NXF1: variants seen among roughly 807,000 people sequenced by gnomAD.
NXF1 encodes the protein mRNA export factor TAP.
A neutral mutation model predicts 92.4 loss-of-function variants in NXF1; 43 were observed. The observed-to-expected ratio is 0.47, with a 90% confidence interval of 0.36 to 0.60. NXF1 has a LOEUF of 0.60. Ranked by LOEUF, NXF1 falls within the 20% of genes least tolerant of loss-of-function variation. NXF1 has a pLI of 0.00. For missense variants in NXF1, 576 were observed against 793.0 expected, an observed-to-expected ratio of 0.73 and a Z score of 3.29; for synonymous variants, 288 against 292.2, an observed-to-expected ratio of 0.99 and a Z score of 0.15.
chr11:62,797,124 G>A, intron 13 of NXF1, 59 bp downstream of exon 13: 1 of 1,436,012 alleles, frequency 7.0e-7, no homozygotes, highest in Admixed American at 1.7e-5. Flanking sequence ...GTGTGCCTGG[G>A]TCTGCCCACC....
intron 19 of NXF1, among the ~76,000 whole-genome samples, chr11:62,793,926 G>A (rs748175873): frequency 2.1e-4 from 32 of 150,408 alleles, no homozygotes; most frequent in Non-Finnish European, 4.1e-4. Flanking sequence ...GCTTGAACCC[G>A]GGAGGCAGAG....
chr11:62,804,025 G>T (rs748168123), intron 1 of NXF1, 47 bp from the exon 2 acceptor site: 2 of 1,602,250 alleles, frequency 1.2e-6, no homozygotes, highest in African/African-American at 1.3e-5. Context: ...TAACTGGTCC[G>T]GTTTGGTGTG....
Position 62,800,740 on chromosome 11 carries a change from C to T in NXF1, c.907-254G>A, listed in dbSNP as rs555182323. On this transcript the variant is annotated intron_variant, in intron 9 of 20. Transcript: ENST00000294172. ...ACCTCAGACTCCTGGGTAGCTAGGA[C>T]TACAGGCATGTGACATCATGCTCGA... Among the ~76,000 whole-genome samples the T allele has an allele frequency of 3.6e-4, 54 of 151,778 alleles. 1 individual carries two copies. The highest frequency in any genetic ancestry group is 9.2e-4 in the Admixed American group (14 of 15,226).
chr11:62,794,671 A>G, intron 18 of NXF1: 1 of 587,212 alleles, frequency 1.7e-6, no homozygotes, highest in Non-Finnish European at 3.0e-6. Context: ...TCATCCTCAC[A>G]ACAAACTTAG....
rs2134770298 is a variant in NXF1 at position 62,799,021 on chromosome 11, TG to T, written c.1017-447del. ...ACACCACAGGGATGGCACAGGATGT[TG>T]GGGCAGGGAGATGAGCAGGTGGGGC... On this transcript the variant is annotated intron_variant, in intron 10 of 20. Transcript: ENST00000294172. 3.0e-6 allele frequency: 3 copies of T among 999,550 alleles called. No homozygotes were observed. The South Asian group carries it at 1.3e-4, about 45-fold the overall frequency. 61.9% of individuals were successfully genotyped at this position (999,550 alleles called of 1,614,324 possible).
In NXF1 at chr11:62,792,455, G is replaced by A. The variant is rs112043892; in HGVS notation, c.*21C>T. ...CCAAGGACTATTTACAGGGGGGACT[G>A]CTTCTGAGGCATGACTACGATCACT... On this transcript the variant is annotated 3_prime_UTR_variant, in exon 21 of 21. Coordinates refer to ENST00000294172, the MANE Select transcript of NXF1 (RefSeq NM_006362.5). 8 of 1,614,018 alleles carry A rather than the reference G, an allele frequency of 5.0e-6. No individual in the cohort carries two copies. The highest frequency in any genetic ancestry group is 4.0e-5 in the African/African-American group (3 of 75,046).
intron 9 of NXF1, 115 bp from the exon 10 acceptor site, chr11:62,800,601 TTTTC>T (rs1285412730): frequency 1.2e-5 from 8 of 667,516 alleles, no homozygotes; most frequent in African/African-American, 3.7e-5. Context: ...TTTTAAAATT[TTTTC>T]TTTTTTTTTT....
At position 62,795,429 on chromosome 11, in the gene NXF1, T is replaced by G. The variant is rs899951758; in HGVS notation, c.1505-422A>C. 7.3e-5 allele frequency: 15 copies of G among 205,432 alleles called. No homozygotes were observed. In the East Asian group the frequency reaches 1.3e-3, roughly 18 times the overall value. The allele number at this position is 205,432 out of a possible 1,614,324, so 12.7% of individuals were successfully genotyped here. A position where few individuals can be genotyped will look rare whatever the true frequency, so the allele number is the denominator to read the frequency against. ...AGACGGAGGTTGCAGTGAGCCAAGA[T>G]TGCGCCACTGCACTCCAGCCTGGTG... On this transcript the variant is annotated intron_variant, in intron 17 of 20. Coordinates refer to ENST00000294172, the MANE Select transcript of NXF1 (RefSeq NM_006362.5).
Position 62,803,960 on chromosome 11 carries a change from A to C in NXF1, c.47T>G (p.Val16Gly). 6.2e-7 allele frequency: 1 copy of C among 1,613,896 alleles called. No individual in the cohort carries two copies. The highest frequency in any genetic ancestry group is 1.3e-5 in the African/African-American group (1 of 75,006). The change falls in exon 2 of 21, where the codon GTT becomes GGT. Residue 16 changes from valine to glycine, a missense_variant. Coordinates refer to ENST00000294172, the MANE Select transcript of NXF1 (RefSeq NM_006362.5). Reference protein sequence around the residue: ...KSYSEHDDERVNFPQRKKKGR... With the variant: ...KSYSEHDDERGNFPQRKKKGR... Reference sequence around the variant, plus strand: ...TTTCTTCTTTCTTTGAGGGAAATTAACGCGTTCATCATCGTGTTCTAGAGT... The same window carrying C: ...TTTCTTCTTTCTTTGAGGGAAATTACCGCGTTCATCATCGTGTTCTAGAGT...
intron 17 of NXF1, 106 bp from the exon 18 acceptor site, chr11:62,795,113 A>C: frequency 9.2e-7 from 1 of 1,091,752 alleles, no homozygotes; most frequent in Non-Finnish European, 1.4e-6. Context: ...CAAGTCAGAG[A>C]GGAATGATTA....
In NXF1 at chr11:62,803,569, G is replaced by C; in HGVS notation, c.219C>G (p.Asn73Lys). 6.2e-7 allele frequency: 1 copy of C among 1,614,050 alleles called. No individual in the cohort carries two copies. The highest frequency in any genetic ancestry group is 2.2e-5 in the East Asian group (1 of 44,880). The change falls in exon 3 of 21, where the codon AAC (asparagine) becomes AAG (lysine). Residue 73 changes from asparagine to lysine, a missense_variant. This residue lies in a region of NXF1 where 151 missense variants were observed against 157.8 expected (regional missense o/e 0.96). Transcript: ENST00000294172. ...GACGGTTAGGTCGGGTGGTATAGGG[G>C]TTGCTGTGGGTAAGCAGAGAATAAA... Reference protein sequence around the residue: ...DAQDGPRVRYNPYTTRPNRRG... With the variant: ...DAQDGPRVRYKPYTTRPNRRG...
At chr11:62,798,769 C>T in intron 10 of NXF1, 194 bp from the exon 11 acceptor site, 1 of 1,395,756 alleles carries the variant, frequency 7.2e-7, no homozygotes, top group Non-Finnish European at 9.3e-7. Flanking sequence ...CATGGACTGC[C>T]TTGAAGGCTG....
chr11:62,802,364 T>A, intron 3 of NXF1, 104 bp from the exon 4 acceptor site: 1 of 875,554 alleles, frequency 1.1e-6, no homozygotes, highest in East Asian at 2.6e-5. Context: ...AAAGACTATC[T>A]AAAGAAAGGA....
chr11:62,803,669 A>T, intron 2 of NXF1, 97 bp from the exon 3 acceptor site: 1 of 1,551,480 alleles, frequency 6.4e-7, no homozygotes, highest in Non-Finnish European at 8.8e-7. Context: ...AAGACTGTTT[A>T]ATCACTAAGC....
In NXF1 at chr11:62,805,396, C is replaced by A. The variant is rs772511818; in HGVS notation, c.-40G>T. The A allele has an allele frequency of 1.2e-4, 188 of 1,609,476 alleles. No homozygotes were observed. The highest frequency in any genetic ancestry group is 9.9e-4 in the Middle Eastern group (6 of 6,076). On this transcript the variant is annotated 5_prime_UTR_variant, in exon 1 of 21. Transcript: ENST00000294172. ...CAAGGGCGGGCTCAGGCGCTGGCCG[C>A]TACGCCGGCAAACAACCTAACTCCC...
At chr11:62,803,083 G>A (rs1311606150) in intron 3 of NXF1, among the ~76,000 whole-genome samples, 1 of 152,090 alleles carries the variant, frequency 6.6e-6, no homozygotes. Context: ...CACTTTGGGG[G>A]GCCAAGGCGG....
intron 1 of NXF1, 71 bp from the exon 2 acceptor site, chr11:62,804,049 C>G: frequency 6.2e-7 from 1 of 1,600,240 alleles, no homozygotes; most frequent in Non-Finnish European, 8.5e-7. Context: ...ATCATAGCTT[C>G]TAGTACTCTG....
In NXF1 at chr11:62,800,398, C is replaced by T. The variant is rs748197436; in HGVS notation, c.995G>A (p.Arg332Gln). The T allele has an allele frequency of 1.2e-5, 20 of 1,613,874 alleles. No homozygotes were observed. Among genetic ancestry groups the T allele is most frequent in the East Asian group, 4.5e-5 (2 of 44,874 alleles). The change falls in exon 10 of 21, where the codon CGA (arginine) becomes CAA (glutamine). Residue 332 changes from arginine (R) to glutamine (Q), a missense_variant. This residue lies in a region of NXF1 where 425 missense variants were observed against 635.2 expected (regional missense o/e 0.67). Coordinates refer to ENST00000294172, the MANE Select transcript of NXF1 (RefSeq NM_006362.5). ...TGACCTGATGTAGGTGGACTGGTCT[C>T]GGAAGGTGTCACACAGGGAGTTTCC... ...LDGNSLCDTF[R>Q]DQSTYISAIR...
chr11:62,796,772 A>C (rs931248832), intron 13 of NXF1, among the ~76,000 whole-genome samples: 1 of 152,112 alleles, frequency 6.6e-6, no homozygotes. Context: ...TCTCTACTAA[A>C]AATACAAAAA....
Sources: gnomAD v4.1 joint callset for allele counts (sites outside exome capture counted in the v4.1 genomes callset) on GRCh38, gnomAD v4.1.1 for gene constraint, gnomAD v4.1.1 regional missense constraint, MANE v1.5 for transcripts, NCBI Gene and HGNC (gene_info 2026-07-23, HGNC 2026-07-21) for gene names.